The following CCL28 variants were observed in gnomAD, a reference collection of about 807,000 sequenced individuals.
The protein encoded by CCL28 is C-C motif chemokine 28.
In CCL28, 4 loss-of-function variants were observed where a neutral mutation model predicts 7.1. That is an observed-to-expected ratio of 0.56 (90% CI 0.28 to 1.29). The LOEUF is 1.29. Among genes scored for constraint, CCL28 ranks in the 50% most tolerant of loss-of-function variants. The pLI is 0.11. For synonymous variants in CCL28, 55 were observed against 57.8 expected, an observed-to-expected ratio of 0.95 and a Z score of 0.22; for missense variants, 151 against 163.4, an observed-to-expected ratio of 0.92 and a Z score of 0.41.
chr5:43,405,190 C>G (rs1741219477), intron 1 of CCL28, among the ~76,000 whole-genome samples: 1 of 152,224 alleles, frequency 6.6e-6, no homozygotes, highest in African/African-American at 2.4e-5. Context: ...CACCCCAAAT[C>G]AACAGAATAT....
At chr5:43,357,991 A>G in the CCL28 span, among the ~76,000 whole-genome samples, 1 of 152,166 alleles carries the variant, frequency 6.6e-6, no homozygotes, top group Non-Finnish European at 1.5e-5. Context: ...CTCAGCTATT[A>G]ATGACCCACA....
At chr5:43,409,042 C>T (rs1252365836) in intron 1 of CCL28, among the ~76,000 whole-genome samples, 1 of 151,956 alleles carries the variant, frequency 6.6e-6, no homozygotes, top group South Asian at 2.1e-4. Context: ...GGCAGCGAGG[C>T]CAAGGCAGGA....
At position 43,381,045 on chromosome 5, in the gene CCL28, AT is replaced by A. The variant is rs1740092258; in HGVS notation, c.*814del. ...ACTGATAAGGTGATTATGTAGAAAA[AT>A]GTCTTTATTTTAGGGTATGTCAAGT... On this transcript the variant is annotated 3_prime_UTR_variant, in exon 3 of 3. Coordinates refer to ENST00000361115, the MANE Select transcript of CCL28 (RefSeq NM_148672.3). The A allele has an allele frequency of 6.6e-6, 1 of 151,808 alleles. No individual in the cohort carries two copies. The highest frequency in any genetic ancestry group is 2.4e-5 in the African/African-American group (1 of 41,184). The allele number at this position is 151,808 out of a possible 1,614,324, so 9.4% of individuals were successfully genotyped here.
chr5:43,382,478 C>T (rs373235528), intron 2 of CCL28, among the ~76,000 whole-genome samples: 2 of 152,256 alleles, frequency 1.3e-5, no homozygotes, highest in African/African-American at 2.4e-5. Context: ...TTTTCTGATC[C>T]GTAAGGATTT....
intron 1 of CCL28, among the ~76,000 whole-genome samples, chr5:43,406,228 C>T (rs1458380562): frequency 6.6e-6 from 1 of 152,124 alleles, no homozygotes; most frequent in Admixed American, 6.5e-5. Context: ...CCTTGATGAA[C>T]ATCGATGCAA....
At chr5:43,373,166 T>C (rs777681718), downstream of CCL28, among the ~76,000 whole-genome samples, 1 of 152,180 alleles carries the variant, frequency 6.6e-6, no homozygotes. Flanking sequence ...AATACCCACA[T>C]GTGGAATTTC....
intron 1 of CCL28, among the ~76,000 whole-genome samples, chr5:43,411,635 T>G (rs1741538911): frequency 6.6e-6 from 1 of 152,116 alleles, no homozygotes; most frequent in Non-Finnish European, 1.5e-5. Context: ...AGTGTGATCA[T>G]AGCTCACTGC....
chr5:43,410,795 A>C (rs1022719606), intron 1 of CCL28, among the ~76,000 whole-genome samples: 2 of 152,208 alleles, frequency 1.3e-5, no homozygotes, highest in Non-Finnish European at 2.9e-5. Flanking sequence ...CTTAGCAGGT[A>C]GGCCTTTCAG....
chr5:43,399,062 T>C (rs6883936), intron 1 of CCL28, among the ~76,000 whole-genome samples: 100,404 of 152,026 alleles, frequency 0.66, 34,978 homozygotes, highest in African/African-American at 0.87. Flanking sequence ...TGCCATTGAA[T>C]ATGCACTTGG....
chr5:43,367,857 C>T, the CCL28 span, among the ~76,000 whole-genome samples: 8 of 152,214 alleles, frequency 5.3e-5, no homozygotes, highest in African/African-American at 1.9e-4. Flanking sequence ...TATAGGAATT[C>T]TGATTGTCTC....
At position 43,388,358 on chromosome 5, in the gene CCL28, A is replaced by C. The variant is rs1487341999; in HGVS notation, c.183T>G (p.Ala61=). 1.2e-6 allele frequency: 2 copies of C among 1,614,076 alleles called. No individual in the cohort carries two copies. The highest frequency in any genetic ancestry group is 2.7e-5 in the African/African-American group (2 of 74,936). ...IQRADGDCDL[A]AVILHVKRRR... ...GGCTGATGAGCACTCACATGACAGC[A>C]GCCAAGTCACAATCCCCATCAGCTC... The change falls in exon 2 of 3, where the codon GCT becomes GCG. Residue 61 remains alanine (A), a synonymous_variant. Transcript: ENST00000361115.
chr5:43,411,843 T>C (rs938472450), intron 1 of CCL28, among the ~76,000 whole-genome samples: 1 of 152,244 alleles, frequency 6.6e-6, no homozygotes, highest in African/African-American at 2.4e-5. Context: ...TGGCCAAGTC[T>C]GTATTTCCCT....
Position 43,379,474 on chromosome 5 carries a change from T to A in CCL28, c.*2386A>T, listed in dbSNP as rs1740019450. 1 of 152,186 alleles carries A rather than the reference T, an allele frequency of 6.6e-6. No homozygotes were observed. The highest frequency in any genetic ancestry group is 1.5e-5 in the Non-Finnish European group (1 of 68,032). 9.4% of individuals were successfully genotyped at this position (152,186 alleles called of 1,614,324 possible). ...CATTTTACCTCTAAGAGCCTCAAAT[T>A]TCCTCATCTATAAAGTGGAAATATA... On this transcript the variant is annotated 3_prime_UTR_variant, in exon 3 of 3. Coordinates refer to ENST00000361115, the MANE Select transcript of CCL28 (RefSeq NM_148672.3).
At chr5:43,369,039 AGAG>A in the CCL28 span, among the ~76,000 whole-genome samples, 15 of 1,928 alleles carry the variant, frequency 7.8e-3, 1 homozygote, top group South Asian at 0.027. Flanking sequence ...AGAGAGAAAG[AGAG>A]AGAGAGAGAG....
intron 1 of CCL28, among the ~76,000 whole-genome samples, chr5:43,389,472 C>T (rs1382787719): frequency 6.6e-6 from 1 of 152,182 alleles, no homozygotes; most frequent in African/African-American, 2.4e-5. Context: ...ACGCTAGACC[C>T]TGAAGGTAGA....
intron 1 of CCL28, among the ~76,000 whole-genome samples, chr5:43,405,137 A>C (rs1019477995): frequency 5.3e-5 from 8 of 152,220 alleles, no homozygotes; most frequent in Non-Finnish European, 7.3e-5. Context: ...AATTGAACAC[A>C]GATGTGCACC....
At position 43,394,175 on chromosome 5, in the gene CCL28, T is replaced by A. The variant is rs979724333; in HGVS notation, c.65-5699A>T. Among the ~76,000 whole-genome samples the A allele has an allele frequency of 3.3e-5, 5 of 152,340 alleles. No homozygotes were observed. In the South Asian group the frequency reaches 8.3e-4, roughly 25 times the overall value. On this transcript the variant is annotated intron_variant, in intron 1 of 2. Transcript: ENST00000361115. ...GTCTGCTTCTGGGCTTTTTCTTCTG[T>A]CTCATGCTCTACTTATTGATCTCTG...
intron 1 of CCL28, among the ~76,000 whole-genome samples, chr5:43,399,718 C>T (rs1484838544): frequency 1.3e-5 from 2 of 152,122 alleles, no homozygotes; most frequent in African/African-American, 4.8e-5. Flanking sequence ...GGTACCATCC[C>T]TGCACATTGA....
At chr5:43,369,369 T>C in the CCL28 span, among the ~76,000 whole-genome samples, 2 of 152,202 alleles carry the variant, frequency 1.3e-5, no homozygotes, top group Admixed American at 6.5e-5. Flanking sequence ...ATTCTTGAAA[T>C]AAACAAAATT....
Sources: allele counts gnomAD v4.1 joint callset (sites outside exome capture counted in the v4.1 genomes callset), GRCh38; gene constraint gnomAD v4.1.1; transcripts MANE v1.5; gene names NCBI Gene and HGNC (gene_info 2026-07-23, HGNC 2026-07-21).